LRPAP1: variants seen among roughly 807,000 people sequenced by gnomAD.
LRPAP1 encodes the protein LDL receptor related protein associated protein 1.
In LRPAP1, 41 loss-of-function variants were observed where a neutral mutation model predicts 39.9. That is an observed-to-expected ratio of 1.03 (90% confidence interval 0.80 to 1.33). The LOEUF (loss-of-function observed/expected upper bound fraction) is 1.33, where lower values mean the gene tolerates loss of function less well. Ranked by LOEUF, LRPAP1 falls within the 40% of genes most tolerant of loss-of-function variation. LRPAP1 has a pLI of 0.00. For missense variants in LRPAP1, 565 were observed against 482.3 expected (o/e 1.17, Z -1.61); for synonymous variants, 263 against 212.7 (o/e 1.24, Z -2.06).
intron 3 of LRPAP1, among the ~76,000 whole-genome samples, chr4:3,519,476 T>C (rs1166520331): frequency 6.6e-6 from 1 of 152,230 alleles, no homozygotes; most frequent in Non-Finnish European, 1.5e-5. Context: ...CCATCTCTCC[T>C]GGCCAAGGAC....
chr4:3,521,399 A>G (rs1729905163), intron 2 of LRPAP1, among the ~76,000 whole-genome samples: 1 of 151,884 alleles, frequency 6.6e-6, no homozygotes, highest in Non-Finnish European at 1.5e-5. Context: ...CCGTGACCCT[A>G]CTGGACAGAA....
chr4:3,516,236 G>A (rs1039242180), intron 5 of LRPAP1, 38 bp from the exon 6 acceptor site: 16 of 1,504,098 alleles, frequency 1.1e-5, no homozygotes, highest in African/African-American at 5.5e-5. Context: ...AGCAGCACCC[G>A]GGGTGCACAC....
At chr4:3,528,933 C>T (rs965475958) in intron 1 of LRPAP1, among the ~76,000 whole-genome samples, 1 of 152,184 alleles carries the variant, frequency 6.6e-6, no homozygotes, top group African/African-American at 2.4e-5. Flanking sequence ...GCTCTGAGGG[C>T]TCCTCTCTGC....
At chr4:3,519,028 G>A (rs751981836) in intron 3 of LRPAP1, 37 bp from the exon 4 acceptor site, 18 of 1,604,412 alleles carry the variant, frequency 1.1e-5, no homozygotes, top group Middle Eastern at 1.7e-4. Context: ...AACCCGCCGC[G>A]GGCTCGTGTG....
At chr4:3,525,150 G>A in intron 1 of LRPAP1, 99 bp from the exon 2 acceptor site, 1 of 1,403,508 alleles carries the variant, frequency 7.1e-7, no homozygotes, top group Non-Finnish European at 1.0e-6. Flanking sequence ...GGAGGTTCTG[G>A]GAGACCAGGA....
rs148218104 is a variant in LRPAP1, at chr4:3,527,776, T to C, written c.205-2725A>G. 2.1e-3 allele frequency among the ~76,000 whole-genome samples: 315 copies of C among 152,308 alleles called. 8 individuals are homozygous for C. In the East Asian group the frequency reaches 0.059, roughly 29 times the overall value. ...TGAAGACCCAGGGCTGCTGAAGTCCTGGGCCCATCCTGGCAGGCTCACAGC... is the reference window on the plus strand; with the variant it reads ...TGAAGACCCAGGGCTGCTGAAGTCCCGGGCCCATCCTGGCAGGCTCACAGC... On this transcript the variant is annotated intron_variant, in intron 1 of 7. Transcript: ENST00000650182.
intron 7 of LRPAP1, 47 bp downstream of exon 7, chr4:3,514,705 T>C (rs1729635430): frequency 6.4e-7 from 1 of 1,552,752 alleles, no homozygotes. Context: ...GCCTCATCTT[T>C]CCTGCAGGGG....
In LRPAP1 at chr4:3,505,753, G is replaced by A. The variant is rs149051042; in HGVS notation, c.*7221C>T. Among the ~76,000 whole-genome samples, 683 of 152,306 alleles carry A rather than the reference G, an allele frequency of 4.5e-3. 4 individuals carry two copies. Among genetic ancestry groups the A allele is most frequent in the African/African-American group, 0.015 (639 of 41,558 alleles). ...CGTCTATACCAGCTACCCCAAGACC[G>A]TCTATACCACCACCCTGGATTACAA... On this transcript the variant is annotated 3_prime_UTR_variant, in exon 8 of 8. Transcript: ENST00000650182.
chr4:3,529,679 C>T (rs963881426), intron 1 of LRPAP1, among the ~76,000 whole-genome samples: 36 of 152,182 alleles, frequency 2.4e-4, no homozygotes, highest in African/African-American at 8.4e-4. Flanking sequence ...GAGGATGAAG[C>T]AGCACCCCCC....
At chr4:3,529,038 C>T (rs553629150) in intron 1 of LRPAP1, among the ~76,000 whole-genome samples, 52 of 152,246 alleles carry the variant, frequency 3.4e-4, no homozygotes, top group African/African-American at 1.0e-3. Flanking sequence ...GGACTGTCTG[C>T]GTGCGGTGCC....
chr4:3,520,210 G>A lies in LRPAP1; in HGVS notation c.350-17C>T. The stretch of plus-strand genomic sequence containing the variant: ...CCAAGATGACTAGGAGAGAGGGGAG[G>A]TTCTATTTGATATGGTTTCCTGTGA... On this transcript the variant is annotated splice_polypyrimidine_tract_variant and intron_variant, in intron 2 of 7. Transcript: ENST00000650182. 1 of 1,609,658 alleles carries A rather than the reference G, an allele frequency of 6.2e-7. No homozygotes were observed. Among genetic ancestry groups the A allele is most frequent in the African/African-American group, 1.3e-5 (1 of 74,898 alleles).
chr4:3,525,226 T>G, intron 1 of LRPAP1, 175 bp from the exon 2 acceptor site: 2 of 662,578 alleles, frequency 3.0e-6, no homozygotes, highest in Non-Finnish European at 5.3e-6. Context: ...GAACTCAACA[T>G]GGACACCAGT....
chr4:3,525,072 C>G (rs561395158), intron 1 of LRPAP1, 21 bp from the exon 2 acceptor site: 49 of 1,613,342 alleles, frequency 3.0e-5, no homozygotes, highest in East Asian at 2.2e-4. Flanking sequence ...AGGGGAGGAG[C>G]CTGTGAGCCA....
chr4:3,513,169 C>T (rs778978304), intron 7 of LRPAP1, 133 bp from the exon 8 acceptor site: 43 of 648,004 alleles, frequency 6.6e-5, no homozygotes, highest in Non-Finnish European at 1.1e-4. Context: ...TTTCCAATTC[C>T]ACACCCATCC....
chr4:3,524,299 C>T lies in LRPAP1; in HGVS notation c.349+608G>A, dbSNP rs193082469. 4.1e-4 allele frequency among the ~76,000 whole-genome samples: 63 copies of T among 152,342 alleles called. 1 individual carries two copies. The East Asian group carries it at 0.012, about 28-fold the overall frequency. ...TGGTACCAAGCAGGCGACTGTCCTG[C>T]CTCTTCTTGAATACCCACAGGGACG... On this transcript the variant is annotated intron_variant, in intron 2 of 7. Coordinates refer to ENST00000650182, the MANE Select transcript of LRPAP1 (RefSeq NM_002337.4).
intron 1 of LRPAP1, among the ~76,000 whole-genome samples, chr4:3,528,258 G>C (rs1730138802): frequency 1.3e-5 from 2 of 152,180 alleles, no homozygotes; most frequent in Admixed American, 1.3e-4. Context: ...AACAACCAGG[G>C]TATACATGCA....
Position 3,511,202 on chromosome 4 carries a change from C to G in LRPAP1, c.*1772G>C, listed in dbSNP as rs925587557. The stretch of plus-strand genomic sequence containing the variant: ...ATCTCTATACTTGGACAACACGCTT[C>G]GTAAGATCCATTAGGTGCTCCTAGA... On this transcript the variant is annotated 3_prime_UTR_variant, in exon 8 of 8. Transcript: ENST00000650182. 1 of 152,302 alleles carries G rather than the reference C, an allele frequency of 6.6e-6. No individual in the cohort carries two copies. Among genetic ancestry groups the G allele is most frequent in the Non-Finnish European group, 1.5e-5 (1 of 68,062 alleles). The allele number at this position is 152,302 out of a possible 1,614,324, so 9.4% of individuals were successfully genotyped here. A position where few individuals can be genotyped will look rare whatever the true frequency, so the allele number is the denominator to read the frequency against.
chr4:3,516,188 C>G lies in LRPAP1; in HGVS notation c.762G>C (p.Glu254Asp). The G allele has an allele frequency of 6.4e-7, 1 of 1,572,828 alleles. No homozygotes were observed. Reference sequence around the variant, plus strand: ...GGTCCCACAGGTCAATCACCCTGGGCTCCTCGAACTCTGCAGGGGAGGAGC... The same window carrying G: ...GGTCCCACAGGTCAATCACCCTGGGGTCCTCGAACTCTGCAGGGGAGGAGC... ...QGYSTEAEFE[E>D]PRVIDLWDLA... The change falls in exon 6 of 8, where the codon GAG (glutamate) becomes GAC (aspartate). Residue 254 changes from glutamate to aspartate, a missense_variant. Physicochemically the swap from Glu to Asp is conservative, Grantham distance 45. Transcript: ENST00000650182.
chr4:3,514,720 G>A (rs1264279615), intron 7 of LRPAP1, 32 bp downstream of exon 7: 3 of 1,569,134 alleles, frequency 1.9e-6, no homozygotes, highest in South Asian at 2.3e-5. Flanking sequence ...CAGGGGAACT[G>A]TGGCCTCCCC....
Sources: allele counts gnomAD v4.1 joint callset (sites outside exome capture counted in the v4.1 genomes callset), GRCh38; gene constraint gnomAD v4.1.1; transcripts MANE v1.5; gene names NCBI Gene and HGNC (gene_info 2026-07-23, HGNC 2026-07-21).